BICRA: variants seen among roughly 807,000 people sequenced by gnomAD.
The protein encoded by BICRA is BRD4 interacting chromatin remodeling complex associated protein.
In BICRA, 31 loss-of-function variants were observed where a neutral mutation model predicts 96.9. The observed-to-expected ratio is 0.32, with a 90% CI of 0.24 to 0.43. The LOEUF (loss-of-function observed/expected upper bound fraction) is 0.43, where lower values mean the gene tolerates loss of function less well. Ranked by LOEUF, BICRA falls within the 20% of genes least tolerant of loss-of-function variation. The pLI is 1.00. For synonymous variants in BICRA, 1,350 were observed against 1,071.8 expected (o/e 1.26, Z -5.07); for missense variants, 2,283 against 2,190.3 (o/e 1.04, Z -0.84).
Position 47,695,019 on chromosome 19 carries a change from C to G in BICRA, c.3015C>G (p.Ala1005=). ...PAASVLVSGQ[A]PSGTPTAPSH... Reference sequence around the variant, plus strand: ...CGTCTGTGCTGGTCAGTGGGCAGGCCCCATCTGGGACCCCCACTGCCCCCA... The same window carrying G: ...CGTCTGTGCTGGTCAGTGGGCAGGCGCCATCTGGGACCCCCACTGCCCCCA... Residue 1005 remains alanine, a synonymous_variant, in exon 9 of 15, where the codon GCC becomes GCG. Coordinates refer to ENST00000594866, the MANE Select transcript of BICRA (RefSeq NM_001394372.1). 6.6e-7 allele frequency: 1 copy of G among 1,518,582 alleles called. No homozygotes were observed. Among genetic ancestry groups the G allele is most frequent in the Non-Finnish European group, 8.7e-7 (1 of 1,144,286 alleles). 94.1% of individuals were successfully genotyped at this position (1,518,582 alleles called of 1,614,324 possible). A position where few individuals can be genotyped will look rare whatever the true frequency, so the allele number is the denominator to read the frequency against.
chr19:47,634,522 T>A (rs1220417759), intron 1 of BICRA, among the ~76,000 whole-genome samples: 1 of 152,168 alleles, frequency 6.6e-6, no homozygotes, highest in Non-Finnish European at 1.5e-5. Context: ...TGTACCACTT[T>A]GCGAAACTCA....
chr19:47,680,258 T>C lies in BICRA; in HGVS notation c.1088T>C (p.Leu363Pro), dbSNP rs1355503949. The C allele has an allele frequency of 1.9e-6, 3 of 1,561,358 alleles. No homozygotes were observed. Among genetic ancestry groups the C allele is most frequent in the Non-Finnish European group, 1.7e-6 (2 of 1,162,922 alleles). Residue 363 changes from leucine to proline, a missense_variant, in exon 6 of 15, where the codon CTC (leucine) becomes CCC (proline). Leu to Pro is a moderately conservative substitution (Grantham distance 98). Transcript: ENST00000594866. ...PKPAGVLPPKLYQLTPKPFAP... is the reference protein window; with the variant it reads ...PKPAGVLPPKPYQLTPKPFAP... The stretch of plus-strand genomic sequence containing the variant: ...CCCGCGGGGGTGCTGCCGCCCAAGC[T>C]CTACCAGCTGACGCCCAAGCCGTTT...
chr19:47,655,738 C>A (rs937465323), intron 1 of BICRA, among the ~76,000 whole-genome samples: 17 of 147,428 alleles, frequency 1.2e-4, no homozygotes, highest in Non-Finnish European at 2.1e-4. Flanking sequence ...CACCTGTAAT[C>A]CCAGCTACTC....
intron 1 of BICRA, among the ~76,000 whole-genome samples, chr19:47,641,660 A>G (rs1972387571): frequency 6.6e-6 from 1 of 152,146 alleles, no homozygotes. Flanking sequence ...AATAAAATAA[A>G]AATTCAGCTA....
intron 1 of BICRA, among the ~76,000 whole-genome samples, chr19:47,643,396 A>T (rs1452150842): frequency 6.6e-6 from 1 of 152,206 alleles, no homozygotes; most frequent in Non-Finnish European, 1.5e-5. Flanking sequence ...GAAGGCTTTG[A>T]ATGTGGCTCT....
chr19:47,687,143 A>T (rs1248861530), intron 7 of BICRA, among the ~76,000 whole-genome samples: 2 of 152,208 alleles, frequency 1.3e-5, no homozygotes, highest in African/African-American at 4.8e-5. Flanking sequence ...AAGAGGCAAT[A>T]GTAAACGTTT....
chr19:47,639,695 A>G (rs1048439250), intron 1 of BICRA, among the ~76,000 whole-genome samples: 1 of 137,386 alleles, frequency 7.3e-6, no homozygotes, highest in African/African-American at 2.8e-5. Context: ...GTTGGAGTAC[A>G]GTGTGGCACC....
At chr19:47,625,383 A>C (rs997411338) in intron 1 of BICRA, among the ~76,000 whole-genome samples, 1 of 150,712 alleles carries the variant, frequency 6.6e-6, no homozygotes, top group African/African-American at 2.4e-5. Context: ...TGTGGCCTCC[A>C]ACTCTTTTGG....
intron 1 of BICRA, chr19:47,663,055 A>T (rs746853257): frequency 6.6e-6 from 1 of 152,218 alleles, no homozygotes; most frequent in Non-Finnish European, 1.5e-5. Flanking sequence ...AACCATAAGG[A>T]TTAACAAGTT....
Position 47,680,088 on chromosome 19 carries a change from G to C in BICRA, c.918G>C (p.Val306=). The C allele has an allele frequency of 2.6e-6, 4 of 1,557,844 alleles. No homozygotes were observed. Among genetic ancestry groups the C allele is most frequent in the Non-Finnish European group, 3.4e-6 (4 of 1,162,660 alleles). ...CCACCACGCTCAATGGGAACTCTGT[G>C]TTCGGAGGCGCGGGGGCCGCCTCGG... The part of the protein sequence containing the change: ...AVATTLNGNS[V]FGGAGAASAP... Residue 306 remains valine (V), a synonymous_variant, in exon 6 of 15, where the codon GTG becomes GTC. Coordinates refer to ENST00000594866, the MANE Select transcript of BICRA (RefSeq NM_001394372.1).
At chr19:47,658,057 A>G (rs1193002887) in intron 1 of BICRA, among the ~76,000 whole-genome samples, 62 of 152,252 alleles carry the variant, frequency 4.1e-4, no homozygotes, top group Non-Finnish European at 2.1e-4. Flanking sequence ...CTTTCAAGCA[A>G]AAAGGAGAGG....
At chr19:47,656,108 A>ACACACT (rs1395595593) in intron 1 of BICRA, among the ~76,000 whole-genome samples, 2 of 128,942 alleles carry the variant, frequency 1.6e-5, no homozygotes, top group African/African-American at 5.8e-5. Context: ...ACACACACAC[A>ACACACT]CACTCTGAAT....
Position 47,639,629 on chromosome 19 carries a change from A to AT in BICRA, c.-108+30487dup, listed in dbSNP as rs55946534. ...AGGCGTGAGCCACCGCGGCCAGCCAATTTTTTTTTTTTTTTTTTTTTTTTT... is the reference window on the plus strand; with the variant it reads ...AGGCGTGAGCCACCGCGGCCAGCCAATTTTTTTTTTTTTTTTTTTTTTTTTT... On this transcript the variant is annotated intron_variant, in intron 1 of 14. Coordinates refer to ENST00000594866, the MANE Select transcript of BICRA (RefSeq NM_001394372.1). Among the ~76,000 whole-genome samples, 365 of 105,808 alleles carry AT rather than the reference A, an allele frequency of 3.4e-3. 6 individuals are homozygous for AT. The highest frequency in any genetic ancestry group is 6.0e-3 in the Middle Eastern group (1 of 166). The allele number at this position is 105,808 out of a possible 152,430, so 69.4% of individuals were successfully genotyped here.
chr19:47,678,302 G>A (rs757847912), intron 5 of BICRA, among the ~76,000 whole-genome samples: 1 of 152,134 alleles, frequency 6.6e-6, no homozygotes, highest in Non-Finnish European at 1.5e-5. Flanking sequence ...TTTTAGTAGA[G>A]ATGGTGTTTC....
intron 6 of BICRA, 80 bp from the exon 7 acceptor site, chr19:47,681,896 A>G (rs973199796): frequency 2.9e-5 from 29 of 988,778 alleles, no homozygotes; most frequent in African/African-American, 1.1e-4. Context: ...GGGAGCGTCA[A>G]TAGGGGCAGG....
At chr19:47,650,825 A>G (rs1379495354) in intron 1 of BICRA, among the ~76,000 whole-genome samples, 1 of 152,120 alleles carries the variant, frequency 6.6e-6, no homozygotes, top group African/African-American at 2.4e-5. Flanking sequence ...GGATGAGAGG[A>G]AGGAGCATGT....
At chr19:47,695,342 T>TCGGGGCCCCCCCCCC in intron 9 of BICRA, 23 bp from the exon 10 acceptor site, 1 of 630,176 alleles carries the variant, frequency 1.6e-6, no homozygotes, top group Non-Finnish European at 2.8e-6. Flanking sequence ...AGGCCCTGTC[T>TCGGGGCCCCCCCCCC]CCCCCACCCC....
At chr19:47,623,773 C>T (rs1314586400) in intron 1 of BICRA, among the ~76,000 whole-genome samples, 1 of 151,354 alleles carries the variant, frequency 6.6e-6, no homozygotes, top group Non-Finnish European at 1.5e-5. Flanking sequence ...GTAAGAAAAA[C>T]AGGGAATCTA....
intron 4 of BICRA, among the ~76,000 whole-genome samples, chr19:47,674,087 G>A (rs906099229): frequency 2.4e-4 from 36 of 152,212 alleles, no homozygotes; most frequent in Admixed American, 2.4e-3. Flanking sequence ...GGCTCCTTTA[G>A]ATAGTGTGAT....
Sources: allele counts gnomAD v4.1 joint callset (sites outside exome capture counted in the v4.1 genomes callset), GRCh38; gene constraint gnomAD v4.1.1; transcripts MANE v1.5; gene names NCBI Gene and HGNC (gene_info 2026-07-23, HGNC 2026-07-21).